Variants in USP31 observed in about 807,000 individuals in gnomAD.
USP31 encodes the protein ubiquitin carboxyl-terminal hydrolase 31.
In USP31, 44 loss-of-function variants were observed where a neutral mutation model predicts 119.4. The ratio of observed to expected loss-of-function variants is 0.37; its 90% CI spans 0.29 to 0.47. The LOEUF is 0.47. USP31 is among the 20% of genes least tolerant of loss of function. The pLI is 0.99. For missense variants in USP31, 1,643 were observed against 1,730.2 expected, an observed-to-expected ratio of 0.95 and a Z score of 0.89; for synonymous variants, 749 against 705.6, an observed-to-expected ratio of 1.06 and a Z score of -0.97.
At chr16:23,144,844 T>C (rs1332164045) in intron 1 of USP31, among the ~76,000 whole-genome samples, 1 of 152,200 alleles carries the variant, frequency 6.6e-6, no homozygotes, top group African/African-American at 2.4e-5. Flanking sequence ...AATAAAACCT[T>C]TTTTTAAAAA....
chr16:23,130,419 C>A (rs998040899), intron 1 of USP31, among the ~76,000 whole-genome samples: 9 of 150,590 alleles, frequency 6.0e-5, no homozygotes, highest in South Asian at 2.1e-4. Flanking sequence ...CACCCCCCCC[C>A]CAACTAATAT....
chr16:23,062,826 A>G lies in USP31; in HGVS notation c.*5220T>C, dbSNP rs1281286354. 3 of 152,716 alleles carry G rather than the reference A, an allele frequency of 2.0e-5. No individual in the cohort carries two copies. The highest frequency in any genetic ancestry group is 3.9e-4 in the East Asian group (2 of 5,184). 9.5% of individuals were successfully genotyped at this position (152,716 alleles called of 1,614,324 possible). On this transcript the variant is annotated 3_prime_UTR_variant, in exon 16 of 16. Coordinates refer to ENST00000219689, the MANE Select transcript of USP31 (RefSeq NM_020718.4). Reference sequence around the variant, plus strand: ...CTTGTATTTCAAATGGGAGTTTGATATCAGTATCTCTCAATTCTTTTTATT... The same window carrying G: ...CTTGTATTTCAAATGGGAGTTTGATGTCAGTATCTCTCAATTCTTTTTATT...
intron 1 of USP31, among the ~76,000 whole-genome samples, chr16:23,120,609 C>A (rs1275846947): frequency 6.6e-6 from 1 of 152,198 alleles, no homozygotes; most frequent in Non-Finnish European, 1.5e-5. Flanking sequence ...TCCTGGCTTG[C>A]CAGGTGGTGG....
rs559681435 is a variant in USP31 at position 23,065,486 on chromosome 16, T to G, written c.*2560A>C. On this transcript the variant is annotated 3_prime_UTR_variant, in exon 16 of 16. Transcript: ENST00000219689. ...AAATAACCTTTCCTGTGGCCTAAAG[T>G]TGTACCTAGTAGTTGGAGATAATGA... 3.9e-5 allele frequency: 6 copies of G among 152,710 alleles called. No homozygotes were observed. In the East Asian group the frequency reaches 9.6e-4, roughly 25 times the overall value. The allele number at this position is 152,710 out of a possible 1,614,324, so 9.5% of individuals were successfully genotyped here.
At chr16:23,091,165 G>A (rs1567232434) in intron 6 of USP31, among the ~76,000 whole-genome samples, 2 of 152,146 alleles carry the variant, frequency 1.3e-5, no homozygotes, top group Non-Finnish European at 2.9e-5. Flanking sequence ...AAATAAAGAT[G>A]TGGAATGTTC....
chr16:23,105,721 T>A, intron 4 of USP31, 145 bp from the exon 5 acceptor site: 1 of 904,304 alleles, frequency 1.1e-6, no homozygotes, highest in Non-Finnish European at 1.5e-6. Flanking sequence ...AAAATTTCAC[T>A]TGGCTCTAAG....
At chr16:23,134,030 T>C (rs1354654892) in intron 1 of USP31, among the ~76,000 whole-genome samples, 1 of 152,016 alleles carries the variant, frequency 6.6e-6, no homozygotes, top group East Asian at 1.9e-4. Context: ...TGAGCCAATA[T>C]CATGCCACTA....
At chr16:23,105,684 A>C in intron 4 of USP31, 108 bp from the exon 5 acceptor site, 1 of 1,257,526 alleles carries the variant, frequency 8.0e-7, no homozygotes, top group Non-Finnish European at 1.0e-6. Flanking sequence ...AAGCTAACCC[A>C]CACTGTTACT....
chr16:23,108,062 C>T lies in USP31; in HGVS notation c.755G>A (p.Gly252Asp). 1 of 1,613,370 alleles carries T rather than the reference C, an allele frequency of 6.2e-7. No homozygotes were observed. The change falls in exon 2 of 16, where the codon GGC (glycine) becomes GAC (aspartate). Residue 252 changes from glycine (G) to aspartate (D), a missense_variant. Coordinates refer to ENST00000219689, the MANE Select transcript of USP31 (RefSeq NM_020718.4). ...CGTCCTTACCTTCAGAGGAGGCTGG[C>T]CACTCTGCTTCACTGAATGGTTGAG... ...EDLNHSVKQS[G>D]QPPLKPPSET...
In USP31 at chr16:23,106,268, T is replaced by C. The variant is rs1227284651; in HGVS notation, c.898A>G (p.Asn300Asp). 2 of 1,614,190 alleles carry C rather than the reference T, an allele frequency of 1.2e-6. No homozygotes were observed. Among genetic ancestry groups the C allele is most frequent in the Non-Finnish European group, 1.7e-6 (2 of 1,180,036 alleles). Reference protein sequence around the residue: ...LTCPHCQKQSNTFDPFLCISL... With the variant: ...LTCPHCQKQSDTFDPFLCISL... ...ATGCAAAGGAAAGGATCAAAAGTGT[T>C]GCTCTGTTTCTGACAATGAGGACAC... is the stretch of plus-strand genomic sequence containing the variant. The change falls in exon 4 of 16, where the codon AAC becomes GAC. Residue 300 changes from asparagine to aspartate, a missense_variant. Coordinates refer to ENST00000219689, the MANE Select transcript of USP31 (RefSeq NM_020718.4).
At chr16:23,111,712 A>G (rs1902324420) in intron 1 of USP31, among the ~76,000 whole-genome samples, 1 of 152,180 alleles carries the variant, frequency 6.6e-6, no homozygotes, top group South Asian at 2.1e-4. Flanking sequence ...ACCTATATTT[A>G]GGTGGGAGGC....
intron 1 of USP31, among the ~76,000 whole-genome samples, chr16:23,108,925 A>G (rs531868029): frequency 2.0e-4 from 31 of 152,320 alleles, no homozygotes; most frequent in African/African-American, 6.0e-4. Flanking sequence ...ACTCATCAAC[A>G]AAGACTTAAT....
intron 1 of USP31, among the ~76,000 whole-genome samples, chr16:23,108,490 A>C (rs2141876483): frequency 1.3e-5 from 2 of 152,372 alleles, no homozygotes; most frequent in South Asian, 4.1e-4. Context: ...AATAATTGGT[A>C]ATAACTTGGA....
intron 1 of USP31, among the ~76,000 whole-genome samples, chr16:23,129,357 T>C (rs952471219): frequency 9.9e-5 from 15 of 152,212 alleles, no homozygotes; most frequent in African/African-American, 3.4e-4. Flanking sequence ...TGTGTACATA[T>C]ATATGTGTGT....
rs537385694 is a variant in USP31, at chr16:23,104,197, AG to A, written c.1089+1243del. Among the ~76,000 whole-genome samples the A allele has an allele frequency of 4.6e-5, 7 of 152,304 alleles. No homozygotes were observed. In the South Asian group the frequency reaches 1.4e-3, roughly 32 times the overall value. The stretch of plus-strand genomic sequence containing the variant: ...AGCACTAACATTCTGCAAATCTACC[AG>A]GTAAAAGGGGTCGGTGGTATATTCC... On this transcript the variant is annotated intron_variant, in intron 5 of 15. Transcript: ENST00000219689.
intron 1 of USP31, 75 bp from the exon 2 acceptor site, chr16:23,108,258 C>G: frequency 2.0e-6 from 3 of 1,514,264 alleles, no homozygotes; most frequent in Non-Finnish European, 2.7e-6. Context: ...TTCATAATCG[C>G]AAAAGGGATG....
chr16:23,106,085 G>A (rs949403767), intron 4 of USP31, 128 bp downstream of exon 4: 2 of 1,045,380 alleles, frequency 1.9e-6, no homozygotes, highest in Non-Finnish European at 2.8e-6. Flanking sequence ...TTGTAGCAAT[G>A]ACTGTATTCA....
chr16:23,122,236 C>T (rs190861170), intron 1 of USP31, among the ~76,000 whole-genome samples: 1 of 152,254 alleles, frequency 6.6e-6, no homozygotes, highest in East Asian at 1.9e-4. Flanking sequence ...AGAATATATA[C>T]TTATTGCAAA....
chr16:23,077,752 ATCACATCAACCC>A (rs1190687429), intron 13 of USP31, among the ~76,000 whole-genome samples: 2 of 152,204 alleles, frequency 1.3e-5, no homozygotes, highest in Non-Finnish European at 2.9e-5. Flanking sequence ...AATCAAATTA[ATCACATCAACCC>A]TCACATCAAC....
Sources: allele counts gnomAD v4.1 joint callset (sites outside exome capture counted in the v4.1 genomes callset), GRCh38; gene constraint gnomAD v4.1.1; transcripts MANE v1.5; gene names NCBI Gene and HGNC (gene_info 2026-07-23, HGNC 2026-07-21).